The following MVB12B variants were observed in gnomAD, a reference collection of about 807,000 sequenced individuals.
The protein encoded by MVB12B is multivesicular body subunit 12B.
Under a neutral mutation model 41.6 loss-of-function variants are expected in MVB12B, and 16 were observed. The ratio of observed to expected loss-of-function variants is 0.38; its 90% CI spans 0.26 to 0.58. MVB12B has a LOEUF of 0.58. Ranked by LOEUF, MVB12B falls within the 20% of genes least tolerant of loss-of-function variation. The pLI, the probability that MVB12B is intolerant of heterozygous loss-of-function variation, is 0.62. For missense variants in MVB12B, 274 were observed against 380.2 expected (o/e 0.72, Z 2.32); for synonymous variants, 133 against 139.7 (o/e 0.95, Z 0.34).
In MVB12B at chr9:126,389,098, G is replaced by A. The variant is rs1830875685; in HGVS notation, c.409+2440G>A. On this transcript the variant is annotated intron_variant, in intron 4 of 9. Transcript: ENST00000361171. This position sits in a 1 kb window ranked among gnomAD's most constrained non-coding sequence, Gnocchi z 4.4. Reference sequence around the variant, plus strand: ...GGGGCCCAGGGGTCCTGGTTGGGAAGTTTCTCCCTTGTGACTGGGAGTACA... The same window carrying A: ...GGGGCCCAGGGGTCCTGGTTGGGAAATTTCTCCCTTGTGACTGGGAGTACA... 6.6e-6 allele frequency among the ~76,000 whole-genome samples: 1 copy of A among 152,220 alleles called. No individual in the cohort carries two copies. Among genetic ancestry groups the A allele is most frequent in the Admixed American group, 6.5e-5 (1 of 15,292 alleles).
intron 9 of MVB12B, among the ~76,000 whole-genome samples, chr9:126,497,975 C>G (rs996696906): frequency 5.9e-5 from 9 of 152,206 alleles, no homozygotes; most frequent in Admixed American, 2.0e-4. Context: ...ACCCTCGTCT[C>G]GCAGAAGAGG....
rs190295509 is a variant in MVB12B at position 126,424,206 on chromosome 9, A to G, written c.757+2258A>G. Among the ~76,000 whole-genome samples the G allele has an allele frequency of 1.1e-3, 161 of 152,362 alleles. 1 individual carries two copies. The highest frequency in any genetic ancestry group is 6.8e-3 in the Middle Eastern group (2 of 294). On this transcript the variant is annotated intron_variant, in intron 7 of 9. Coordinates refer to ENST00000361171, the MANE Select transcript of MVB12B (RefSeq NM_033446.3). ...AACAGCCCACACTTAATGTGTATGT[A>G]TGGTTGTTAAAGTATATTAACTTTT...
In MVB12B at chr9:126,392,024, T is replaced by C. The variant is rs1177672271; in HGVS notation, c.410-42T>C. On this transcript the variant is annotated intron_variant, in intron 4 of 9. Coordinates refer to ENST00000361171, the MANE Select transcript of MVB12B (RefSeq NM_033446.3). This position sits in a 1 kb window ranked among gnomAD's most constrained non-coding sequence, Gnocchi z 4.8. ...GGTTTTCAGAATAGAGATTCTGGTA[T>C]CTCTGGAAAACTCATACCTTTTCTA... The C allele has an allele frequency of 7.4e-6, 12 of 1,611,280 alleles. No homozygotes were observed. In the East Asian group the frequency reaches 2.5e-4, roughly 33 times the overall value.
chr9:126,377,695 G>A (rs527671984), intron 2 of MVB12B, among the ~76,000 whole-genome samples: 1 of 152,192 alleles, frequency 6.6e-6, no homozygotes, highest in South Asian at 2.1e-4. Context: ...CGTTGTCCTT[G>A]TGAAGCTTAT....
At chr9:126,493,002 G>A (rs899359792) in intron 9 of MVB12B, among the ~76,000 whole-genome samples, 28 of 152,282 alleles carry the variant, frequency 1.8e-4, no homozygotes, top group Admixed American at 3.9e-4. Context: ...AGCTCTTTAC[G>A]TTTTAAAGAG....
intron 1 of MVB12B, chr9:126,335,308 T>A: frequency 7.7e-7 from 1 of 1,300,892 alleles, no homozygotes; most frequent in Non-Finnish European, 1.0e-6. Context: ...TGACAGCCTC[T>A]CAGTCTGTGC....
intron 7 of MVB12B, among the ~76,000 whole-genome samples, chr9:126,443,566 T>C (rs1295155171): frequency 3.3e-5 from 5 of 152,228 alleles, no homozygotes; most frequent in African/African-American, 9.6e-5. Flanking sequence ...ACAAAATATA[T>C]GAAAACATTG....
intron 2 of MVB12B, among the ~76,000 whole-genome samples, chr9:126,359,661 T>C (rs1312888286): frequency 6.6e-6 from 1 of 152,198 alleles, no homozygotes; most frequent in East Asian, 1.9e-4. Flanking sequence ...TTAATTTTTC[T>C]AATTCCTGGG....
intron 6 of MVB12B, among the ~76,000 whole-genome samples, chr9:126,400,426 A>C (rs1368176852): frequency 6.6e-6 from 1 of 152,150 alleles, no homozygotes; most frequent in East Asian, 1.9e-4. Flanking sequence ...CCCAGATGCT[A>C]GGGGTGGTCA....
At chr9:126,410,836 A>G (rs1329459779) in intron 6 of MVB12B, among the ~76,000 whole-genome samples, 1 of 150,752 alleles carries the variant, frequency 6.6e-6, no homozygotes, top group East Asian at 2.0e-4. Flanking sequence ...GGCCTAACAG[A>G]GTGCCTGGCC....
At chr9:126,352,401 A>G (rs1163103061) in intron 2 of MVB12B, among the ~76,000 whole-genome samples, 2 of 152,188 alleles carry the variant, frequency 1.3e-5, no homozygotes, top group African/African-American at 2.4e-5. Context: ...TTTATGTGGC[A>G]TTTGGCTGGG....
intron 7 of MVB12B, among the ~76,000 whole-genome samples, chr9:126,472,849 T>C (rs752749008): frequency 6.6e-6 from 1 of 152,210 alleles, no homozygotes; most frequent in Non-Finnish European, 1.5e-5. Flanking sequence ...TGAAGCTCGT[T>C]TGTTTAGGAG....
chr9:126,439,646 A>C (rs1220291388), intron 7 of MVB12B, among the ~76,000 whole-genome samples: 1 of 152,246 alleles, frequency 6.6e-6, no homozygotes, highest in African/African-American at 2.4e-5. Context: ...TTACCTCCAG[A>C]ACTTCAGAAA....
In MVB12B at chr9:126,368,782, A is replaced by G. The variant is rs542370450; in HGVS notation, c.205-12282A>G. ...TAAAAAAATTAAATAATAACAGCCAAGGCTTAAGTACCTTTCAACCACACC... is the reference window on the plus strand; with the variant it reads ...TAAAAAAATTAAATAATAACAGCCAGGGCTTAAGTACCTTTCAACCACACC... On this transcript the variant is annotated intron_variant, in intron 2 of 9. Coordinates refer to ENST00000361171, the MANE Select transcript of MVB12B (RefSeq NM_033446.3). Among the ~76,000 whole-genome samples, 42 of 152,368 alleles carry G rather than the reference A, an allele frequency of 2.8e-4. No individual in the cohort carries two copies. In the South Asian group the frequency reaches 7.0e-3, roughly 26 times the overall value.
rs895170657 is a variant in MVB12B, at chr9:126,398,518, C to A, written c.662+2821C>A. On this transcript the variant is annotated intron_variant, in intron 6 of 9. Coordinates refer to ENST00000361171, the MANE Select transcript of MVB12B (RefSeq NM_033446.3). ...AAGTCTTTTTCTTGTGTACTTTTTA[C>A]ATAGGTGATATCATATCGTGTAATA... is the stretch of plus-strand genomic sequence containing the variant. Among the ~76,000 whole-genome samples, 44 of 152,328 alleles carry A rather than the reference C, an allele frequency of 2.9e-4. 1 individual carries two copies. Among genetic ancestry groups the A allele is most frequent in the African/African-American group, 1.0e-3 (43 of 41,582 alleles).
At chr9:126,467,106 T>A (rs903086218) in intron 7 of MVB12B, among the ~76,000 whole-genome samples, 1 of 152,132 alleles carries the variant, frequency 6.6e-6, no homozygotes, top group African/African-American at 2.4e-5. Context: ...AGTGCTGGAA[T>A]TACAGATGAG....
At chr9:126,352,951 C>G (rs1279283687) in intron 2 of MVB12B, among the ~76,000 whole-genome samples, 1 of 152,190 alleles carries the variant, frequency 6.6e-6, no homozygotes, top group Non-Finnish European at 1.5e-5. Flanking sequence ...ATGGAAGACT[C>G]AAAATGCTGC....
chr9:126,462,893 G>A (rs563340858), intron 7 of MVB12B, among the ~76,000 whole-genome samples: 135 of 152,342 alleles, frequency 8.9e-4, no homozygotes, highest in African/African-American at 3.1e-3. Context: ...ATACATTTTC[G>A]TGACATGCCC....
chr9:126,397,616 A>G (rs1458596227), intron 6 of MVB12B: 3 of 985,282 alleles, frequency 3.0e-6, no homozygotes, highest in Non-Finnish European at 3.6e-6. Context: ...GCTTCCAAGT[A>G]AAAGCCATTT....
Sources: gnomAD v4.1 joint callset for allele counts (sites outside exome capture counted in the v4.1 genomes callset) on GRCh38, gnomAD v4.1.1 for gene constraint, Gnocchi (gnomAD v3.1) non-coding constraint, MANE v1.5 for transcripts, NCBI Gene and HGNC (gene_info 2026-07-23, HGNC 2026-07-21) for gene names.